Variants in ZNF385D observed in about 807,000 individuals in gnomAD.
ZNF385D encodes the protein zinc finger protein 385D.
ZNF385D carries 15 observed loss-of-function variants against 35.8 expected under a neutral mutation model. The observed-to-expected ratio is 0.42, with a 90% CI of 0.28 to 0.64. The LOEUF is 0.64. ZNF385D is among the 30% of genes least tolerant of loss of function. The probability of loss-of-function intolerance (pLI) is 0.23; values close to 1 mark genes in which losing one functional copy is unlikely to be tolerated. For missense variants in ZNF385D, 474 were observed against 494.6 expected, an observed-to-expected ratio of 0.96 and a Z score of 0.39; for synonymous variants, 212 against 186.8, an observed-to-expected ratio of 1.13 and a Z score of -1.10.
chr3:22,126,255 T>C (rs1703420050), intron 3 of ZNF385D, among the ~76,000 whole-genome samples: 1 of 150,676 alleles, frequency 6.6e-6, no homozygotes, highest in African/African-American at 2.4e-5. Context: ...ATCCATGCAA[T>C]AAATCCCACA....
chr3:21,852,313 T>G (rs999822425), intron 3 of ZNF385D, among the ~76,000 whole-genome samples: 1 of 151,874 alleles, frequency 6.6e-6, no homozygotes, highest in Non-Finnish European at 1.5e-5. Context: ...TTAGAGAAGG[T>G]AGAAATTCCA....
intron 2 of ZNF385D, among the ~76,000 whole-genome samples, chr3:21,574,766 T>C (rs929993940): frequency 1.2e-4 from 19 of 152,150 alleles, no homozygotes; most frequent in Admixed American, 1.2e-3. Flanking sequence ...ATTTTCATTA[T>C]ACTATTCTAT....
chr3:21,638,979 T>A (rs900754970), intron 2 of ZNF385D, among the ~76,000 whole-genome samples: 5 of 152,022 alleles, frequency 3.3e-5, no homozygotes, highest in Non-Finnish European at 7.4e-5. Flanking sequence ...AAGCAGTTTT[T>A]AAAATTCACC....
intron 3 of ZNF385D, among the ~76,000 whole-genome samples, chr3:21,918,767 G>A (rs1481896545): frequency 6.6e-6 from 1 of 152,068 alleles, no homozygotes; most frequent in Non-Finnish European, 1.5e-5. Flanking sequence ...AGTGTGCAGT[G>A]TTTAAGTCAC....
Position 21,974,938 on chromosome 3 carries a change from G to A in ZNF385D, c.325+193879C>T, listed in dbSNP as rs573066594. 5.3e-5 allele frequency among the ~76,000 whole-genome samples: 8 copies of A among 152,230 alleles called. No individual in the cohort carries two copies. In the East Asian group the frequency reaches 1.5e-3, roughly 29 times the overall value. ...AATAGCAAATGCTGGCAAGGAAGAGGAAAAACGGGAACCCTCGAACACTGT... is the reference window on the plus strand; with the variant it reads ...AATAGCAAATGCTGGCAAGGAAGAGAAAAAACGGGAACCCTCGAACACTGT... On this transcript the variant is annotated intron_variant, in intron 3 of 5. Coordinates refer to the ZNF385D transcript ENST00000494108.
intron 3 of ZNF385D, among the ~76,000 whole-genome samples, chr3:21,518,960 G>A (rs968480451): frequency 6.6e-6 from 1 of 152,082 alleles, no homozygotes; most frequent in African/African-American, 2.4e-5. Flanking sequence ...ATTACATTAT[G>A]AATAAAAATG....
At chr3:22,298,838 A>G (rs978426751) in intron 2 of ZNF385D, among the ~76,000 whole-genome samples, 1 of 151,914 alleles carries the variant, frequency 6.6e-6, no homozygotes, top group African/African-American at 2.4e-5. Context: ...AGTTTCTTGA[A>G]TATACTTAGC....
intron 3 of ZNF385D, among the ~76,000 whole-genome samples, chr3:21,946,443 A>AAAGTTTTTG (rs1701788517): frequency 7.0e-6 from 1 of 141,944 alleles, no homozygotes; most frequent in Non-Finnish European, 1.5e-5. Flanking sequence ...TTAAAGATAA[A>AAAGTTTTTG]AAGTTTTTGA....
chr3:21,814,705 G>C (rs948943195), intron 3 of ZNF385D, among the ~76,000 whole-genome samples: 1 of 152,190 alleles, frequency 6.6e-6, no homozygotes, highest in African/African-American at 2.4e-5. Context: ...GACCTCCAAA[G>C]AGACTTAGAC....
At chr3:21,737,476 C>CAG (rs1168134876) in intron 1 of ZNF385D, among the ~76,000 whole-genome samples, 1 of 151,950 alleles carries the variant, frequency 6.6e-6, no homozygotes, top group Non-Finnish European at 1.5e-5. Context: ...TACACACACA[C>CAG]ACACACACAC....
chr3:21,560,900 G>A (rs1005036535), intron 3 of ZNF385D, among the ~76,000 whole-genome samples: 7 of 152,128 alleles, frequency 4.6e-5, no homozygotes, highest in Non-Finnish European at 1.0e-4. Context: ...CTGAGCTTCA[G>A]TGGGCTCCGC....
intron 3 of ZNF385D, among the ~76,000 whole-genome samples, chr3:22,112,344 G>T (rs1702578461): frequency 6.6e-6 from 1 of 152,000 alleles, no homozygotes; most frequent in African/African-American, 2.4e-5. Context: ...AACAATTTTA[G>T]ACCAGTCATA....
intron 3 of ZNF385D, among the ~76,000 whole-genome samples, chr3:21,992,219 T>C (rs1695192235): frequency 6.6e-6 from 1 of 152,074 alleles, no homozygotes; most frequent in South Asian, 2.1e-4. Flanking sequence ...TTTCACAGAA[T>C]ATAGATATCC....
intron 3 of ZNF385D, among the ~76,000 whole-genome samples, chr3:22,007,256 A>C (rs1406471316): frequency 6.6e-6 from 1 of 152,170 alleles, no homozygotes; most frequent in Non-Finnish European, 1.5e-5. Context: ...TGCTCTACTA[A>C]ATCTTAATTT....
At chr3:22,073,526 A>C (rs2125567183) in intron 3 of ZNF385D, among the ~76,000 whole-genome samples, 1 of 152,108 alleles carries the variant, frequency 6.6e-6, no homozygotes, top group South Asian at 2.1e-4. Flanking sequence ...CATACACAAC[A>C]ACCTTTCTAG....
At chr3:21,940,134 T>C (rs1361239815) in intron 3 of ZNF385D, among the ~76,000 whole-genome samples, 2 of 152,208 alleles carry the variant, frequency 1.3e-5, no homozygotes, top group Non-Finnish European at 2.9e-5. Context: ...GTTTGCGTTA[T>C]TTTATAAGTT....
chr3:21,434,386 A>G (rs1345194722), intron 5 of ZNF385D, among the ~76,000 whole-genome samples: 2 of 152,164 alleles, frequency 1.3e-5, no homozygotes, highest in Non-Finnish European at 2.9e-5. Context: ...TGAATCCTAC[A>G]TCTGTGGCTA....
At chr3:22,361,482 T>C (rs1696405539) in intron 2 of ZNF385D, among the ~76,000 whole-genome samples, 1 of 152,080 alleles carries the variant, frequency 6.6e-6, no homozygotes, top group Non-Finnish European at 1.5e-5. Context: ...AAGTAGGTTA[T>C]CTTCACATCA....
chr3:21,863,074 AATATTT>A (rs1199240554), intron 3 of ZNF385D, among the ~76,000 whole-genome samples: 2 of 152,182 alleles, frequency 1.3e-5, no homozygotes, highest in South Asian at 2.1e-4. Flanking sequence ...TACACACATA[AATATTT>A]ATAAAGTCCA....
Sources: gnomAD v4.1 joint callset for allele counts (sites outside exome capture counted in the v4.1 genomes callset) on GRCh38, gnomAD v4.1.1 for gene constraint, MANE v1.5 for transcripts, NCBI Gene and HGNC (gene_info 2026-07-23, HGNC 2026-07-21) for gene names.